The following SMOC2 variants were observed in gnomAD, a reference collection of about 807,000 sequenced individuals.
SMOC2 encodes the protein SPARC-related modular calcium-binding protein 2.
SMOC2 carries 39 observed loss-of-function variants against 61.4 expected under a neutral mutation model. The ratio of observed to expected loss-of-function variants is 0.64; its 90% CI spans 0.49 to 0.83. SMOC2 has a LOEUF of 0.83. Ranked by LOEUF, SMOC2 falls within the 40% of genes least tolerant of loss-of-function variation. The pLI, the probability that SMOC2 is intolerant of heterozygous loss-of-function variation, is 0.00. For missense variants in SMOC2, 556 were observed against 592.9 expected (o/e 0.94, Z 0.65); for synonymous variants, 247 against 239.9 (o/e 1.03, Z -0.27).
intron 11 of SMOC2, among the ~76,000 whole-genome samples, chr6:168,663,253 C>T (rs1011037725): frequency 6.6e-6 from 1 of 152,196 alleles, no homozygotes; most frequent in Non-Finnish European, 1.5e-5. Context: ...AGGAAGGAGA[C>T]TTTCCCAGGA....
intron 1 of SMOC2, among the ~76,000 whole-genome samples, chr6:168,454,679 G>A (rs1781542312): frequency 6.6e-6 from 1 of 152,118 alleles, no homozygotes; most frequent in Admixed American, 6.5e-5. Flanking sequence ...AGGCTTTGAT[G>A]AAGAAAGGGA....
At position 168,615,967 on chromosome 6, in the gene SMOC2, T is replaced by A. The variant is rs1786077825; in HGVS notation, c.907+7728T>A. Among the ~76,000 whole-genome samples, 4 of 152,228 alleles carry A rather than the reference T, an allele frequency of 2.6e-5. No homozygotes were observed. In the South Asian group the frequency reaches 8.3e-4, roughly 31 times the overall value. On this transcript the variant is annotated intron_variant, in intron 9 of 12. Coordinates refer to ENST00000356284, the MANE Select transcript of SMOC2 (RefSeq NM_001166412.2). ...CTTGCCCTAAGTGGAGCTTAGGACA[T>A]TTTCCAAAAGGTAGTTAGATCAGGA...
chr6:168,505,123 A>G (rs1316188163), intron 1 of SMOC2, among the ~76,000 whole-genome samples: 1 of 150,392 alleles, frequency 6.6e-6, no homozygotes, highest in Non-Finnish European at 1.5e-5. Flanking sequence ...CAGATGCCAG[A>G]TGAATGACTG....
chr6:168,503,224 C>T (rs1228484363), intron 1 of SMOC2, among the ~76,000 whole-genome samples: 1 of 151,736 alleles, frequency 6.6e-6, no homozygotes, highest in Non-Finnish European at 1.5e-5. Flanking sequence ...ATTACAGGCA[C>T]CCACCACCAT....
rs555486198 is a variant in SMOC2 at position 168,492,127 on chromosome 6, G to A, written c.85-17788G>A. ...TTTTATTCATGGAAGAGAAATTACA[G>A]GTTGTATCTGAAGGGAATATTTCTC... On this transcript the variant is annotated intron_variant, in intron 1 of 12. Transcript: ENST00000356284. Among the ~76,000 whole-genome samples the A allele has an allele frequency of 7.2e-5, 11 of 152,238 alleles. No homozygotes were observed. In the South Asian group the frequency reaches 2.3e-3, roughly 32 times the overall value.
intron 7 of SMOC2, among the ~76,000 whole-genome samples, chr6:168,575,614 G>A (rs1290952401): frequency 6.6e-6 from 1 of 152,212 alleles, no homozygotes; most frequent in African/African-American, 2.4e-5. Flanking sequence ...TGTCTTTACT[G>A]TGGGATGCAG....
intron 7 of SMOC2, among the ~76,000 whole-genome samples, chr6:168,557,863 G>A (rs1193181365): frequency 6.6e-6 from 1 of 152,232 alleles, no homozygotes; most frequent in Non-Finnish European, 1.5e-5. Context: ...ACTTGGAGCT[G>A]CTTGTCTCAT....
chr6:168,624,860 C>T (rs1786355375), intron 9 of SMOC2, among the ~76,000 whole-genome samples: 1 of 136,526 alleles, frequency 7.3e-6, no homozygotes, highest in Non-Finnish European at 1.6e-5. Context: ...CAGACACACA[C>T]ACATTCACAG....
intron 4 of SMOC2, among the ~76,000 whole-genome samples, chr6:168,534,510 C>T (rs1249088566): frequency 6.6e-6 from 1 of 152,246 alleles, no homozygotes; most frequent in African/African-American, 2.4e-5. Flanking sequence ...TCCAGAGGCC[C>T]TTGGGGCTGA....
chr6:168,460,475 G>A (rs1189823777), intron 1 of SMOC2, among the ~76,000 whole-genome samples: 2 of 152,098 alleles, frequency 1.3e-5, no homozygotes, highest in Non-Finnish European at 1.5e-5. Context: ...TAATATTTAG[G>A]GGTAGAATAT....
chr6:168,657,343 C>G (rs962714068), intron 11 of SMOC2, among the ~76,000 whole-genome samples: 1 of 152,256 alleles, frequency 6.6e-6, no homozygotes, highest in African/African-American at 2.4e-5. Context: ...CTGCATGCAG[C>G]AAGGGCAGTG....
At chr6:168,539,325 C>G (rs113079103) in intron 4 of SMOC2, among the ~76,000 whole-genome samples, 1 of 152,228 alleles carries the variant, frequency 6.6e-6, no homozygotes, top group Non-Finnish European at 1.5e-5. Context: ...AGAATCCCCA[C>G]GGGGCTGGCC....
intron 9 of SMOC2, among the ~76,000 whole-genome samples, chr6:168,628,307 C>G (rs1183065511): frequency 6.6e-6 from 1 of 152,126 alleles, no homozygotes; most frequent in Non-Finnish European, 1.5e-5. Context: ...GGCTACCTCC[C>G]AAATAAAAAC....
Position 168,452,522 on chromosome 6 carries a change from A to G in SMOC2, c.84+11068A>G, listed in dbSNP as rs1781487624. Among the ~76,000 whole-genome samples the G allele has an allele frequency of 6.6e-6, 1 of 152,220 alleles. No individual in the cohort carries two copies. Among genetic ancestry groups the G allele is most frequent in the Admixed American group, 6.5e-5 (1 of 15,278 alleles). On this transcript the variant is annotated intron_variant, in intron 1 of 12. Transcript: ENST00000356284. This position sits in a 1 kb window ranked among gnomAD's most constrained non-coding sequence, Gnocchi z 5.0. Reference sequence around the variant, plus strand: ...ATTTGCTAAATGAATATTATATTTCAGTGTTCTCCAGTAATAGGATTCTCA... The same window carrying G: ...ATTTGCTAAATGAATATTATATTTCGGTGTTCTCCAGTAATAGGATTCTCA...
chr6:168,532,344 T>C (rs559139304), intron 4 of SMOC2, among the ~76,000 whole-genome samples: 2 of 152,334 alleles, frequency 1.3e-5, no homozygotes, highest in African/African-American at 4.8e-5. Flanking sequence ...GGGGGCCAGC[T>C]CCACGTGTCT....
At chr6:168,508,088 C>T (rs1301955702) in intron 1 of SMOC2, among the ~76,000 whole-genome samples, 1 of 152,214 alleles carries the variant, frequency 6.6e-6, no homozygotes, top group Non-Finnish European at 1.5e-5. Context: ...GTCTGGGGCT[C>T]CCCACGGGCC....
At chr6:168,627,448 T>C (rs544907612) in intron 9 of SMOC2, among the ~76,000 whole-genome samples, 58 of 152,324 alleles carry the variant, frequency 3.8e-4, no homozygotes, top group African/African-American at 1.3e-3. Flanking sequence ...TCCCTCTTTT[T>C]CTTGTCTGTA....
At chr6:168,628,236 G>A (rs1786466360) in intron 9 of SMOC2, among the ~76,000 whole-genome samples, 1 of 152,192 alleles carries the variant, frequency 6.6e-6, no homozygotes, top group Admixed American at 6.5e-5. Context: ...AAAACAAAGG[G>A]CCTCGTCGAG....
intron 12 of SMOC2, 187 bp downstream of exon 12, chr6:168,664,298 C>T (rs1787596972): frequency 7.8e-6 from 5 of 639,716 alleles, no homozygotes; most frequent in South Asian, 1.7e-5. Flanking sequence ...GAATTCTATC[C>T]GAAATCACCA....
Sources: allele counts gnomAD v4.1 joint callset (sites outside exome capture counted in the v4.1 genomes callset), GRCh38; gene constraint gnomAD v4.1.1; non-coding constraint Gnocchi (gnomAD v3.1); transcripts MANE v1.5; gene names NCBI Gene and HGNC (gene_info 2026-07-23, HGNC 2026-07-21).